Variants in SLC13A4 observed in about 807,000 individuals in gnomAD.
The protein encoded by SLC13A4 is solute carrier family 13 member 4.
SLC13A4 carries 28 observed loss-of-function variants against 72.7 expected under a neutral mutation model. The ratio of observed to expected loss-of-function variants is 0.39; its 90% CI spans 0.29 to 0.53. SLC13A4 has a LOEUF of 0.53. Among genes scored for constraint, SLC13A4 ranks in the 20% least tolerant of loss-of-function variants. The pLI, the probability that SLC13A4 is intolerant of heterozygous loss-of-function variation, is 0.78. For missense variants in SLC13A4, 653 were observed against 788.0 expected (o/e 0.83, Z 2.05); for synonymous variants, 312 against 325.5 (o/e 0.96, Z 0.45).
At chr7:135,688,479 A>C (rs534660826) in intron 13 of SLC13A4, among the ~76,000 whole-genome samples, 1 of 151,384 alleles carries the variant, frequency 6.6e-6, no homozygotes, top group East Asian at 1.9e-4. Flanking sequence ...CTAGCCTCAA[A>C]CTCCTGGCCT....
chr7:135,695,051 ATGCTT>A (rs1795870649), intron 9 of SLC13A4, among the ~76,000 whole-genome samples: 1 of 152,228 alleles, frequency 6.6e-6, no homozygotes, highest in Non-Finnish European at 1.5e-5. Flanking sequence ...AGTGCTCTGT[ATGCTT>A]TGAGAGCAAT....
intron 2 of SLC13A4, among the ~76,000 whole-genome samples, chr7:135,715,293 G>A (rs1489693878): frequency 2.1e-5 from 3 of 145,936 alleles, no homozygotes; most frequent in Non-Finnish European, 4.4e-5. Flanking sequence ...GTGTGTGTGA[G>A]TGTACGTATA....
chr7:135,714,357 A>G (rs1796368441), intron 2 of SLC13A4, among the ~76,000 whole-genome samples: 1 of 152,090 alleles, frequency 6.6e-6, no homozygotes, highest in South Asian at 2.1e-4. Context: ...TGTATGAACT[A>G]CCCAGATGGG....
In SLC13A4 at chr7:135,707,993, C is replaced by T. The variant is rs1165675518; in HGVS notation, c.365+121G>A. On this transcript the variant is annotated intron_variant, in intron 3 of 15. Transcript: ENST00000682651. The stretch of plus-strand genomic sequence containing the variant: ...GGGTCCTATGGCTCTGGTGTCAGCC[C>T]GACCCTTTGGTAAAAAAACAGCTGA... 1.3e-5 allele frequency: 17 copies of T among 1,298,178 alleles called. No individual in the cohort carries two copies. The Admixed American group carries it at 1.6e-4, about 12-fold the overall frequency. 80.4% of individuals were successfully genotyped at this position (1,298,178 alleles called of 1,614,324 possible).
intron 10 of SLC13A4, 60 bp from the exon 11 acceptor site, chr7:135,692,484 C>T: frequency 7.8e-7 from 1 of 1,279,610 alleles, no homozygotes; most frequent in Non-Finnish European, 1.1e-6. Flanking sequence ...AGCTTTTTCA[C>T]TTTGCTTCTG....
chr7:135,711,963 ATTTTTTTTTTTTTTTTTTTT>A (rs529940903), intron 2 of SLC13A4, among the ~76,000 whole-genome samples: 8 of 46,886 alleles, frequency 1.7e-4, no homozygotes, highest in South Asian at 9.8e-4. Flanking sequence ...ATGTTTTTGG[ATTTTTTTTTTTTTTTTTTTT>A]TTTTTTTTTT....
At chr7:135,707,218 T>C (rs1173560358) in intron 3 of SLC13A4, among the ~76,000 whole-genome samples, 1 of 152,162 alleles carries the variant, frequency 6.6e-6, no homozygotes, top group Non-Finnish European at 1.5e-5. Context: ...TTCTTGCAGA[T>C]AGTACACAGA....
At chr7:135,715,928 A>G (rs1401643297) in intron 2 of SLC13A4, among the ~76,000 whole-genome samples, 1 of 152,214 alleles carries the variant, frequency 6.6e-6, no homozygotes, top group East Asian at 1.9e-4. Flanking sequence ...AAGATCATAG[A>G]GGGACCTTAG....
At chr7:135,705,794 A>G (rs910850210) in intron 4 of SLC13A4, 144 bp from the exon 5 acceptor site, 8 of 699,024 alleles carry the variant, frequency 1.1e-5, no homozygotes, top group Admixed American at 9.3e-5. Context: ...TGTAAATAGA[A>G]TGGGGCTCAT....
intron 13 of SLC13A4, among the ~76,000 whole-genome samples, chr7:135,687,535 C>T (rs1293604944): frequency 6.6e-6 from 1 of 152,218 alleles, no homozygotes; most frequent in Non-Finnish European, 1.5e-5. Context: ...CTGTTGTAGC[C>T]ACTTCACCTT....
At chr7:135,714,538 C>T (rs572176145) in intron 2 of SLC13A4, among the ~76,000 whole-genome samples, 25 of 152,144 alleles carry the variant, frequency 1.6e-4, no homozygotes, top group Non-Finnish European at 2.9e-4. Flanking sequence ...CCTGGGGCTG[C>T]GTCTGGGTGG....
At chr7:135,709,942 C>T (rs368699414) in intron 2 of SLC13A4, among the ~76,000 whole-genome samples, 12 of 152,262 alleles carry the variant, frequency 7.9e-5, no homozygotes, top group Admixed American at 2.0e-4. Context: ...CTAAATTTTT[C>T]GGCTGTGAAT....
chr7:135,699,408 G>A lies in SLC13A4; in HGVS notation c.855C>T (p.Ile285=). 1 of 1,613,400 alleles carries A rather than the reference G, an allele frequency of 6.2e-7. No homozygotes were observed. The highest frequency in any genetic ancestry group is 8.5e-7 in the Non-Finnish European group (1 of 1,179,690). ...AGATGAGGCTGGTGGAGGTGCCGAT[G>A]ATGGTGGTCAGGCCGCCAATGGTAG... The part of the protein sequence containing the change: ...YSATIGGLTT[I]IGTSTSLIFL... The change falls in exon 8 of 16, where the codon ATC becomes ATT. Residue 285 remains isoleucine (I), a synonymous_variant. Transcript: ENST00000682651.
rs983698874 is a variant in SLC13A4 at position 135,724,953 on chromosome 7, T to C, written c.99+2445A>G. On this transcript the variant is annotated intron_variant, in intron 1 of 15. Transcript: ENST00000682651. ...CAACGCCTATCCCATGTCTAGCAGG[T>C]GGTTCAATTCACGTGGGCTGAACTG... 7.2e-5 allele frequency among the ~76,000 whole-genome samples: 11 copies of C among 152,362 alleles called. No individual in the cohort carries two copies. The East Asian group carries it at 1.7e-3, about 24-fold the overall frequency.
chr7:135,712,193 G>T (rs1321395099), intron 2 of SLC13A4, among the ~76,000 whole-genome samples: 1 of 151,538 alleles, frequency 6.6e-6, no homozygotes, highest in Non-Finnish European at 1.5e-5. Flanking sequence ...CCCAGGGCAG[G>T]GCCAGTCTGA....
At chr7:135,726,690 A>T (rs1373834473) in intron 1 of SLC13A4, among the ~76,000 whole-genome samples, 1 of 152,262 alleles carries the variant, frequency 6.6e-6, no homozygotes, top group South Asian at 2.1e-4. Context: ...CACGGGCTAG[A>T]GTTTGGGGGC....
rs373471167 is a variant in SLC13A4, at chr7:135,692,319, T to C, written c.1223+4A>G. Reference sequence around the variant, plus strand: ...GTTCTTAAGGAGGAAATGATATCACTTACTTTTCAAAGAAAGAATCCCAGC... The same window carrying C: ...GTTCTTAAGGAGGAAATGATATCACCTACTTTTCAAAGAAAGAATCCCAGC... On this transcript the variant is annotated splice_donor_region_variant and intron_variant, in intron 11 of 15. Coordinates refer to ENST00000682651, the MANE Select transcript of SLC13A4 (RefSeq NM_001318192.2). The C allele has an allele frequency of 6.2e-7, 1 of 1,605,108 alleles. No individual in the cohort carries two copies. Among genetic ancestry groups the C allele is most frequent in the African/African-American group, 1.3e-5 (1 of 74,710 alleles).
chr7:135,710,462 C>T (rs1185576223), intron 2 of SLC13A4, among the ~76,000 whole-genome samples: 8 of 151,942 alleles, frequency 5.3e-5, no homozygotes, highest in Non-Finnish European at 1.2e-4. Context: ...AACTGATAGC[C>T]GCTTAAAGTG....
chr7:135,683,528 T>C (rs1795554290), intron 15 of SLC13A4: 1 of 984,302 alleles, frequency 1.0e-6, no homozygotes, highest in African/African-American at 1.8e-5. Context: ...GGTGTATAGG[T>C]AGAGGAGTAG....
Sources: allele counts gnomAD v4.1 joint callset (sites outside exome capture counted in the v4.1 genomes callset), GRCh38; gene constraint gnomAD v4.1.1; transcripts MANE v1.5; gene names NCBI Gene and HGNC (gene_info 2026-07-23, HGNC 2026-07-21).